The following HNRNPC variants were observed in gnomAD, a reference collection of about 807,000 sequenced individuals.
HNRNPC encodes the protein heterogeneous nuclear ribonucleoproteins C1/C2.
Under a neutral mutation model 33.2 loss-of-function variants are expected in HNRNPC, and 3 were observed. That is an observed-to-expected ratio of 0.09 (90% CI 0.04 to 0.23). The LOEUF is 0.23. Among genes scored for constraint, HNRNPC ranks in the 10% least tolerant of loss-of-function variants. The probability of loss-of-function intolerance (pLI) is 1.00; values close to 1 mark genes in which losing one functional copy is unlikely to be tolerated. For missense variants in HNRNPC, 143 were observed against 366.7 expected, an observed-to-expected ratio of 0.39 and a Z score of 4.98; for synonymous variants, 121 against 126.7, an observed-to-expected ratio of 0.96 and a Z score of 0.30.
chr14:21,241,249 C>T (rs1269671583), intron 2 of HNRNPC, among the ~76,000 whole-genome samples: 1 of 112,600 alleles, frequency 8.9e-6, no homozygotes, highest in African/African-American at 3.1e-5. Flanking sequence ...CAGAGCAAGA[C>T]TATGTCTCAA....
chr14:21,222,903 C>A (rs1037020521), intron 5 of HNRNPC, among the ~76,000 whole-genome samples: 1 of 150,200 alleles, frequency 6.7e-6, no homozygotes, highest in African/African-American at 2.5e-5. Context: ...CAAAAAAAAA[C>A]CAAAACAAAA....
At position 21,243,717 on chromosome 14, in the gene HNRNPC, A is replaced by G. The variant is rs562606677; in HGVS notation, c.-36-9488T>C. Among the ~76,000 whole-genome samples the G allele has an allele frequency of 3.9e-5, 6 of 152,176 alleles. 1 individual carries two copies. The South Asian group carries it at 1.2e-3, about 31-fold the overall frequency. Reference sequence around the variant, plus strand: ...GTAGGTCCCTATATCTGTATTCATTAATCAACTGAGGATATTCAATTTCAA... The same window carrying G: ...GTAGGTCCCTATATCTGTATTCATTGATCAACTGAGGATATTCAATTTCAA... On this transcript the variant is annotated intron_variant, in intron 2 of 8. Transcript: ENST00000553300.
intron 3 of HNRNPC, among the ~76,000 whole-genome samples, chr14:21,233,003 C>T (rs1249569374): frequency 6.6e-6 from 1 of 151,228 alleles, no homozygotes; most frequent in Admixed American, 6.6e-5. Flanking sequence ...CACTACTGCA[C>T]ACAATCCTGG....
intron 2 of HNRNPC, among the ~76,000 whole-genome samples, chr14:21,253,435 T>C (rs1896879700): frequency 8.0e-6 from 1 of 124,400 alleles, no homozygotes; most frequent in African/African-American, 3.2e-5. Flanking sequence ...ATCACGCCAC[T>C]GCACTCCAAC....
intron 2 of HNRNPC, among the ~76,000 whole-genome samples, chr14:21,241,814 A>C (rs989444692): frequency 2.6e-5 from 4 of 152,240 alleles, no homozygotes; most frequent in Non-Finnish European, 5.9e-5. Flanking sequence ...CTGTGAGAGT[A>C]ATCTCTGAGA....
chr14:21,247,012 C>T (rs1896051689), intron 2 of HNRNPC, among the ~76,000 whole-genome samples: 2 of 152,166 alleles, frequency 1.3e-5, no homozygotes, highest in African/African-American at 4.8e-5. Context: ...AAGGCTTCTA[C>T]TCAGCAGGAG....
chr14:21,253,277 C>T (rs2138939314), intron 2 of HNRNPC, among the ~76,000 whole-genome samples: 1 of 149,558 alleles, frequency 6.7e-6, no homozygotes, highest in East Asian at 2.0e-4. Flanking sequence ...GAGATCAAGA[C>T]CATTATGGCC....
chr14:21,230,937 A>T, intron 4 of HNRNPC, 60 bp downstream of exon 4: 1 of 1,590,278 alleles, frequency 6.3e-7, no homozygotes. Flanking sequence ...CAATGCAGTT[A>T]TAAATAATAA....
intron 2 of HNRNPC, among the ~76,000 whole-genome samples, chr14:21,237,599 A>G (rs1894846914): frequency 1.3e-5 from 2 of 152,006 alleles, no homozygotes; most frequent in African/African-American, 2.4e-5. Context: ...AAACAATACC[A>G]TTTCTCTCTA....
chr14:21,254,853 C>T (rs1233833271), intron 2 of HNRNPC, among the ~76,000 whole-genome samples: 14 of 150,224 alleles, frequency 9.3e-5, no homozygotes, highest in South Asian at 2.1e-4. Flanking sequence ...TTGCGGTAGG[C>T]GGAGGTTGCG....
At chr14:21,230,065 A>G (rs1053970354) in intron 5 of HNRNPC, among the ~76,000 whole-genome samples, 3 of 152,082 alleles carry the variant, frequency 2.0e-5, no homozygotes, top group Non-Finnish European at 4.4e-5. Flanking sequence ...TAGTCACCAC[A>G]CTCAGCGAAT....
chr14:21,230,614 T>G, intron 4 of HNRNPC: 1 of 526,480 alleles, frequency 1.9e-6, no homozygotes, highest in Non-Finnish European at 3.4e-6. Context: ...ATAGCTAAAC[T>G]AAACACTGAA....
chr14:21,227,973 G>A (rs1279273887), intron 5 of HNRNPC, among the ~76,000 whole-genome samples: 2 of 152,166 alleles, frequency 1.3e-5, no homozygotes, highest in South Asian at 4.1e-4. Flanking sequence ...TTTTATTAAT[G>A]ATTCTCAACT....
chr14:21,220,882 T>C, intron 5 of HNRNPC, among the ~76,000 whole-genome samples: 1 of 150,992 alleles, frequency 6.6e-6, no homozygotes, highest in South Asian at 2.1e-4. Flanking sequence ...ATACCAGCAG[T>C]TTGACACCAG....
At chr14:21,214,371 A>G (rs558354629) in intron 5 of HNRNPC, among the ~76,000 whole-genome samples, 1 of 152,226 alleles carries the variant, frequency 6.6e-6, no homozygotes, top group Non-Finnish European at 1.5e-5. Flanking sequence ...TCTCATTGCT[A>G]ATTCTCTCCT....
chr14:21,218,119 A>T (rs1892396618), intron 5 of HNRNPC, among the ~76,000 whole-genome samples: 1 of 152,108 alleles, frequency 6.6e-6, no homozygotes, highest in South Asian at 2.1e-4. Context: ...CACGATACCA[A>T]GCCAAGCTAG....
chr14:21,222,040 CAAAAAAAAAAAAAAA>C (rs71112558), intron 5 of HNRNPC, among the ~76,000 whole-genome samples: 3 of 65,692 alleles, frequency 4.6e-5, no homozygotes, highest in East Asian at 1.2e-3. Flanking sequence ...GACTCCGTCT[CAAAAAAAAAAAAAAA>C]AAAAAAAAAA....
intron 2 of HNRNPC, among the ~76,000 whole-genome samples, chr14:21,237,857 C>CGCCT (rs149553445): frequency 0.016 from 2,499 of 152,184 alleles, 36 homozygotes; most frequent in Middle Eastern, 0.078. Context: ...CTGCAACCTA[C>CGCCT]GCCTCCCTGT....
At chr14:21,253,460 T>C (rs1360408712) in intron 2 of HNRNPC, among the ~76,000 whole-genome samples, 2 of 48,650 alleles carry the variant, frequency 4.1e-5, no homozygotes, top group South Asian at 7.9e-4. Flanking sequence ...AGACTCCATC[T>C]CAAAAAAAAA....
Sources: gnomAD v4.1 joint callset for allele counts (sites outside exome capture counted in the v4.1 genomes callset) on GRCh38, gnomAD v4.1.1 for gene constraint, MANE v1.5 for transcripts, NCBI Gene and HGNC (gene_info 2026-07-23, HGNC 2026-07-21) for gene names.